Variants in EIF3L observed in about 807,000 individuals in gnomAD.
EIF3L encodes eIEF associated protein HSPC021.
Under a neutral mutation model 74.6 loss-of-function variants are expected in EIF3L, and 32 were observed. The ratio of observed to expected loss-of-function variants is 0.43; its 90% CI spans 0.32 to 0.58. The LOEUF is 0.58. Ranked by LOEUF, EIF3L falls within the 20% of genes least tolerant of loss-of-function variation. The pLI is 0.06. For missense variants in EIF3L, 474 were observed against 707.8 expected, an observed-to-expected ratio of 0.67 and a Z score of 3.75; for synonymous variants, 256 against 254.4, an observed-to-expected ratio of 1.01 and a Z score of -0.06.
At chr22:37,849,580 C>G in intron 1 of EIF3L, 98 bp downstream of exon 1, 1 of 1,393,802 alleles carries the variant, frequency 7.2e-7, no homozygotes, top group Non-Finnish European at 9.8e-7. Flanking sequence ...GGGTCGCGGC[C>G]AGCTCCGGCC....
intron 7 of EIF3L, among the ~76,000 whole-genome samples, chr22:37,868,774 C>T (rs1926317674): frequency 6.6e-6 from 1 of 151,318 alleles, no homozygotes; most frequent in Admixed American, 6.6e-5. Context: ...TCCCGAGTAG[C>T]TGGGATTACA....
intron 8 of EIF3L, among the ~76,000 whole-genome samples, chr22:37,870,578 G>T (rs1248063403): frequency 6.6e-6 from 1 of 152,136 alleles, no homozygotes; most frequent in Non-Finnish European, 1.5e-5. Flanking sequence ...TGAGATTTGC[G>T]TTTGTAAACA....
intron 4 of EIF3L, chr22:37,858,443 A>G (rs1925661610): frequency 2.0e-6 from 1 of 507,384 alleles, no homozygotes. Context: ...AAGTCTCTAA[A>G]TGGTGAAAGG....
At chr22:37,862,239 C>T (rs975623493) in intron 5 of EIF3L, among the ~76,000 whole-genome samples, 2 of 152,170 alleles carry the variant, frequency 1.3e-5, no homozygotes, top group African/African-American at 4.8e-5. Context: ...GTGGGACTGA[C>T]TCCAAAGTTG....
At chr22:37,849,994 A>T (rs1925089740) in intron 1 of EIF3L, 21 bp from the exon 2 acceptor site, 20 of 1,613,396 alleles carry the variant, frequency 1.2e-5, no homozygotes, top group Non-Finnish European at 1.7e-5. Context: ...GCTGTCCTTG[A>T]CTGTGTCTCT....
In EIF3L at chr22:37,850,138, C is replaced by G. The variant is rs1383581790; in HGVS notation, c.82+75C>G. 6 of 1,558,912 alleles carry G rather than the reference C, an allele frequency of 3.8e-6. No homozygotes were observed. The East Asian group carries it at 6.8e-5, about 18-fold the overall frequency. On this transcript the variant is annotated intron_variant, in intron 2 of 12. Coordinates refer to ENST00000652021, the MANE Select transcript of EIF3L (RefSeq NM_016091.4). ...TGGAATGTCTTAGAACCAGCTCTGA[C>G]AGGCATCAAAAATTGCTCTTTGATG...
intron 3 of EIF3L, among the ~76,000 whole-genome samples, chr22:37,851,919 C>T (rs1475471033): frequency 6.6e-6 from 1 of 152,128 alleles, no homozygotes; most frequent in Non-Finnish European, 1.5e-5. Flanking sequence ...CCACCCGCCT[C>T]AGCCTCCCAA....
At chr22:37,864,751 C>G (rs1357888956) in intron 7 of EIF3L, among the ~76,000 whole-genome samples, 1 of 152,110 alleles carries the variant, frequency 6.6e-6, no homozygotes, top group Admixed American at 6.6e-5. Context: ...GTTGACCAGG[C>G]TGGTCTCGAA....
intron 5 of EIF3L, among the ~76,000 whole-genome samples, chr22:37,859,355 T>C (rs1925715440): frequency 6.8e-6 from 1 of 147,372 alleles, no homozygotes; most frequent in Non-Finnish European, 1.5e-5. Flanking sequence ...ACTTCTAAAT[T>C]ATAGAGTACG....
rs1369068793 is a variant in EIF3L, at chr22:37,888,505, T to C, written c.*41T>C. 6.2e-7 allele frequency: 1 copy of C among 1,607,084 alleles called. No individual in the cohort carries two copies. Among genetic ancestry groups the C allele is most frequent in the South Asian group, 1.1e-5 (1 of 90,652 alleles). On this transcript the variant is annotated 3_prime_UTR_variant, in exon 13 of 13. Transcript: ENST00000652021. ...TTCAGGAACCTGTTTTGATGTATTA[T>C]AGGCAGGAAGTGTTTTTGCTACCGT...
intron 4 of EIF3L, among the ~76,000 whole-genome samples, chr22:37,858,219 CTTTTTTTTTTT>C (rs549425262): frequency 4.2e-3 from 357 of 85,104 alleles, no homozygotes; most frequent in Non-Finnish European, 5.9e-3. Flanking sequence ...TTCTTTCTTC[CTTTTTTTTTTT>C]TTTTTTTTTT....
intron 4 of EIF3L, among the ~76,000 whole-genome samples, chr22:37,858,392 T>G (rs1601757841): frequency 6.6e-6 from 1 of 151,928 alleles, no homozygotes; most frequent in East Asian, 2.0e-4. Context: ...GCTTGTCTAA[T>G]TACTCTTGTG....
At chr22:37,874,576 T>C in intron 9 of EIF3L, 52 bp downstream of exon 9, 1 of 1,585,386 alleles carries the variant, frequency 6.3e-7, no homozygotes. Flanking sequence ...TATCTATTTC[T>C]AGAGAACCAC....
At chr22:37,873,753 T>G (rs1282197821) in intron 8 of EIF3L, among the ~76,000 whole-genome samples, 1 of 152,086 alleles carries the variant, frequency 6.6e-6, no homozygotes, top group Non-Finnish European at 1.5e-5. Flanking sequence ...AAAAAACAAC[T>G]GATACAACAA....
intron 12 of EIF3L, 59 bp downstream of exon 12, chr22:37,886,904 C>A (rs16998589): frequency 7.4e-7 from 1 of 1,355,074 alleles, no homozygotes; most frequent in South Asian, 1.2e-5. Context: ...GGAACTGAAT[C>A]GAGAGTTTAC....
chr22:37,858,761 G>GTT (rs367547054), intron 5 of EIF3L, 21 bp downstream of exon 5: 71 of 1,417,462 alleles, frequency 5.0e-5, no homozygotes, highest in Middle Eastern at 1.8e-4. Context: ...AAGTGTCGCA[G>GTT]TTTTTTTTTT....
chr22:37,856,950 T>C (rs1176440098), intron 4 of EIF3L, among the ~76,000 whole-genome samples: 14 of 151,898 alleles, frequency 9.2e-5, no homozygotes, highest in Admixed American at 8.5e-4. Context: ...GTCTCTTGGA[T>C]TTGCTTATTG....
intron 7 of EIF3L, among the ~76,000 whole-genome samples, chr22:37,864,910 C>A (rs1926065311): frequency 6.6e-6 from 1 of 152,136 alleles, no homozygotes; most frequent in South Asian, 2.1e-4. Context: ...GCATTGGTTT[C>A]CCCATCTCTA....
rs1333282431 is a variant in EIF3L, at chr22:37,874,487, C to G, written c.869C>G (p.Ala290Gly). ...LHSLLGDYYQ[A>G]IKVLENIELN... ...TCCCTGTTAGGAGATTACTACCAGGCCATCAAGGTGCTGGAGAACATCGAA... is the reference window on the plus strand; with the variant it reads ...TCCCTGTTAGGAGATTACTACCAGGGCATCAAGGTGCTGGAGAACATCGAA... The change falls in exon 9 of 13, where the codon GCC (alanine) becomes GGC (glycine). Residue 290 changes from alanine (A) to glycine (G), a missense_variant. Ala to Gly is a moderately conservative substitution (Grantham distance 60). Around this residue, in one of 4 missense-constraint regions of EIF3L, gnomAD observed 293 missense variants for 469.1 expected, o/e 0.62. Coordinates refer to ENST00000652021, the MANE Select transcript of EIF3L (RefSeq NM_016091.4). 6.2e-7 allele frequency: 1 copy of G among 1,614,136 alleles called. No homozygotes were observed. The highest frequency in any genetic ancestry group is 1.7e-5 in the Admixed American group (1 of 60,010).
Sources: gnomAD v4.1 joint callset for allele counts (sites outside exome capture counted in the v4.1 genomes callset) on GRCh38, gnomAD v4.1.1 for gene constraint, gnomAD v4.1.1 regional missense constraint, MANE v1.5 for transcripts, NCBI Gene and HGNC (gene_info 2026-07-23, HGNC 2026-07-21) for gene names.